The following FGD5 variants were observed in gnomAD, a reference collection of about 807,000 sequenced individuals.
The protein encoded by FGD5 is FYVE, RhoGEF and PH domain containing 5, also known as FYVE, RhoGEF and PH domain-containing protein 5.
In FGD5, 28 loss-of-function variants were observed where a neutral mutation model predicts 133.4. The observed-to-expected ratio is 0.21, with a 90% CI of 0.16 to 0.29. The LOEUF is 0.29. Among genes scored for constraint, FGD5 ranks in the 10% least tolerant of loss-of-function variants. FGD5 has a pLI of 1.00. For missense variants in FGD5, 1,858 were observed against 1,895.2 expected (o/e 0.98, Z 0.36); for synonymous variants, 810 against 776.5 (o/e 1.04, Z -0.72).
intron 9 of FGD5, among the ~76,000 whole-genome samples, chr3:14,901,574 C>T (rs140766248): frequency 6.6e-6 from 1 of 152,310 alleles, no homozygotes; most frequent in African/African-American, 2.4e-5. Flanking sequence ...AGGTGGTCAC[C>T]ACATGCTCAC....
At chr3:14,889,045 T>A (rs1288625708) in intron 4 of FGD5, among the ~76,000 whole-genome samples, 1 of 152,176 alleles carries the variant, frequency 6.6e-6, no homozygotes, top group East Asian at 1.9e-4. Context: ...AAGTGAACAG[T>A]CAGCTGCAGT....
At chr3:14,853,386 A>G (rs752938760) in intron 1 of FGD5, among the ~76,000 whole-genome samples, 1 of 152,014 alleles carries the variant, frequency 6.6e-6, no homozygotes, top group South Asian at 2.1e-4. Flanking sequence ...TATTCTGCTA[A>G]TTGGGATACT....
chr3:14,894,725 G>T (rs1437157177), intron 4 of FGD5, among the ~76,000 whole-genome samples: 1 of 147,688 alleles, frequency 6.8e-6, no homozygotes, highest in African/African-American at 2.5e-5. Context: ...TGCCCAGACT[G>T]GTCTTGAACT....
In FGD5 at chr3:14,844,220, ATATATATATATATATATAT is replaced by A. The variant is rs2036993653; in HGVS notation, c.2526-19907_2526-19889del. Among the ~76,000 whole-genome samples the A allele has an allele frequency of 4.5e-3, 74 of 16,354 alleles. 1 individual carries two copies. Among genetic ancestry groups the A allele is most frequent in the Middle Eastern group, 0.045 (1 of 22 alleles). The allele number at this position is 16,354 out of a possible 152,430, so 10.7% of individuals were successfully genotyped here. A position where few individuals can be genotyped will look rare whatever the true frequency, so the allele number is the denominator to read the frequency against. On this transcript the variant is annotated intron_variant, in intron 1 of 19. Coordinates refer to ENST00000285046, the MANE Select transcript of FGD5 (RefSeq NM_152536.4). Reference sequence around the variant, plus strand: ...AATAGGCATTAAAAAAAAAAAAAATATATATATATATATATATATATATATATATATATATATATATATA... The same window carrying A: ...AATAGGCATTAAAAAAAAAAAAAATAATATATATATATATATATATATATA...
At chr3:14,863,654 A>G (rs916978062) in intron 1 of FGD5, among the ~76,000 whole-genome samples, 1 of 152,176 alleles carries the variant, frequency 6.6e-6, no homozygotes, top group African/African-American at 2.4e-5. Flanking sequence ...GCCCTGAGCT[A>G]TGTCTTGTCT....
intron 2 of FGD5, among the ~76,000 whole-genome samples, chr3:14,869,273 G>A (rs773787990): frequency 7.0e-4 from 107 of 152,094 alleles, no homozygotes; most frequent in Non-Finnish European, 1.2e-3. Context: ...TAACCTGGGC[G>A]ACAGAGCAAG....
chr3:14,854,070 G>A (rs2037223159), intron 1 of FGD5, among the ~76,000 whole-genome samples: 2 of 151,862 alleles, frequency 1.3e-5, no homozygotes, highest in African/African-American at 4.8e-5. Context: ...TCACCATCGT[G>A]TTCTTATTGA....
chr3:14,815,737 C>T (rs2036358837), upstream of FGD5, among the ~76,000 whole-genome samples: 1 of 152,152 alleles, frequency 6.6e-6, no homozygotes, highest in African/African-American at 2.4e-5. Flanking sequence ...CTCTGCTTCA[C>T]CAGATGCTGG....
rs770906726 is a variant in FGD5, at chr3:14,821,584, A to T, written c.2513A>T (p.Gln838Leu). Residue 838 changes from glutamine (Q) to leucine (L), a missense_variant, in exon 1 of 20, where the codon CAG (glutamine) becomes CTG (leucine). Physicochemically the swap from Gln to Leu is moderately radical, Grantham distance 113 (BLOSUM62 -2). Coordinates refer to ENST00000285046, the MANE Select transcript of FGD5 (RefSeq NM_152536.4). ...GAGAGCAAACAGCAGAGTGCAGACC[A>T]GGACGCAGAAAGGTACCTGACATTC... ...AFESKQQSAD[Q>L]DAESAYTEPY... The T allele has an allele frequency of 6.3e-7, 1 of 1,593,554 alleles. No individual in the cohort carries two copies. The highest frequency in any genetic ancestry group is 1.1e-5 in the South Asian group (1 of 88,982).
intron 4 of FGD5, among the ~76,000 whole-genome samples, chr3:14,893,300 A>G (rs2038065234): frequency 6.6e-6 from 1 of 152,166 alleles, no homozygotes; most frequent in African/African-American, 2.4e-5. Context: ...ATTTGTCTTT[A>G]TGCTGGAAAC....
intron 4 of FGD5, among the ~76,000 whole-genome samples, chr3:14,881,231 A>G (rs539075618): frequency 2.7e-4 from 41 of 152,210 alleles, no homozygotes; most frequent in African/African-American, 8.2e-4. Flanking sequence ...TCAGGGTGGT[A>G]GTGCCTGAGC....
At chr3:14,924,272 G>C in intron 17 of FGD5, 134 bp downstream of exon 17, 1 of 1,373,362 alleles carries the variant, frequency 7.3e-7, no homozygotes, top group Non-Finnish European at 1.0e-6. Context: ...CCTAATGGAA[G>C]CATCCCAGCT....
At chr3:14,858,946 T>C (rs2125100715) in intron 1 of FGD5, among the ~76,000 whole-genome samples, 1 of 152,360 alleles carries the variant, frequency 6.6e-6, no homozygotes. Context: ...GCCTTGGTTT[T>C]AGTATCAGAA....
In FGD5 at chr3:14,820,322, G is replaced by A. The variant is rs1303782320; in HGVS notation, c.1251G>A (p.Leu417=). The A allele has an allele frequency of 4.3e-6, 7 of 1,609,610 alleles. No individual in the cohort carries two copies. The highest frequency in any genetic ancestry group is 1.7e-5 in the Admixed American group (1 of 59,720). ...CAGCCCCTGATGTGGTGGTCGTGCT[G>A]GAGGAGGAGGCCTTGGATGATGCAC... ...GPAAPDVVVV[L]EEEALDDALA... is the part of the protein sequence containing the mutation. Residue 417 remains leucine (L), a synonymous_variant, in exon 1 of 20, where the codon CTG becomes CTA. Transcript: ENST00000285046.
chr3:14,826,135 A>G (rs1449064814), intron 1 of FGD5, among the ~76,000 whole-genome samples: 6 of 152,148 alleles, frequency 3.9e-5, no homozygotes, highest in Non-Finnish European at 7.3e-5. Context: ...TTTCCCCAAC[A>G]TTTTGTTATG....
Position 14,819,102 on chromosome 3 carries a change from C to T in FGD5, c.31C>T (p.Pro11Ser), listed in dbSNP as rs1170927027. The change falls in exon 1 of 20, where the codon CCC (proline) becomes TCC (serine). Residue 11 changes from proline (P) to serine (S), a missense_variant. Around this residue, in one of 3 missense-constraint regions of FGD5, gnomAD observed 29 missense variants for 27.6 expected, o/e 1.05. Transcript: ENST00000285046. The surrounding 1 kb of genome is among the most constrained non-coding windows in gnomAD (Gnocchi z 4.1). ...CAGGGGTCCGAAGCCCCCCATTGCC[C>T]CCAAGCCCAGGCTGACTGCCCCAAA... MFRGPKPPIA[P>S]KPRLTAPNEW... 7.1e-6 allele frequency: 11 copies of T among 1,550,054 alleles called. No individual in the cohort carries two copies. In the Admixed American group the frequency reaches 1.6e-4, roughly 22 times the overall value.
chr3:14,900,421 G>T lies in FGD5; in HGVS notation c.3173G>T (p.Cys1058Phe), dbSNP rs1485450705. The change falls in exon 8 of 20, where the codon TGT becomes TTT. Residue 1058 changes from cysteine (C) to phenylalanine (F), a missense_variant. Cys to Phe is a radical substitution (Grantham distance 205). This residue lies in a region of FGD5 where 1,824 missense variants were observed against 1,848.9 expected (regional missense o/e 0.99). Coordinates refer to ENST00000285046, the MANE Select transcript of FGD5 (RefSeq NM_152536.4). ...VLLTDYLNNLCPDSAEYDNTQ... is the reference protein window; with the variant it reads ...VLLTDYLNNLFPDSAEYDNTQ... ...CCAACAGACTATTTAAACAACCTTT[G>T]TCCGGACTCCGCCGAGTACGACAAC... 1.2e-6 allele frequency: 2 copies of T among 1,613,584 alleles called. No homozygotes were observed. The highest frequency in any genetic ancestry group is 3.3e-5 in the Admixed American group (2 of 59,954).
At chr3:14,875,763 T>A (rs1311060729) in intron 2 of FGD5, among the ~76,000 whole-genome samples, 1 of 152,002 alleles carries the variant, frequency 6.6e-6, no homozygotes, top group African/African-American at 2.4e-5. Flanking sequence ...GTGTGGAGTG[T>A]GGGTGAGGCC....
chr3:14,821,508 A>T lies in FGD5; in HGVS notation c.2437A>T (p.Thr813Ser). Residue 813 changes from threonine to serine, a missense_variant, in exon 1 of 20, where the codon ACA (threonine) becomes TCA (serine). Around this residue, in one of 3 missense-constraint regions of FGD5, gnomAD observed 1,824 missense variants for 1,848.9 expected, o/e 0.99. Transcript: ENST00000285046. The stretch of plus-strand genomic sequence containing the variant: ...TGAAGATCAGAGCAGAGCCCTGTCC[A>T]CAGCAAACGAAAATGATGGCTACGT... ...LFEDQSRALS[T>S]ANENDGYVDM... 1 of 1,613,972 alleles carries T rather than the reference A, an allele frequency of 6.2e-7. No individual in the cohort carries two copies.
Sources: gnomAD v4.1 joint callset for allele counts (sites outside exome capture counted in the v4.1 genomes callset) on GRCh38, gnomAD v4.1.1 for gene constraint, gnomAD v4.1.1 regional missense constraint, Gnocchi (gnomAD v3.1) non-coding constraint, MANE v1.5 for transcripts, NCBI Gene and HGNC (gene_info 2026-07-23, HGNC 2026-07-21) for gene names.